Variants in SH3BP5 observed in about 807,000 individuals in gnomAD.
SH3BP5 encodes the protein SH3 domain binding protein 5, also known as SH3 domain-binding protein 5.
SH3BP5 carries 22 observed loss-of-function variants against 43.3 expected under a neutral mutation model. The ratio of observed to expected loss-of-function variants is 0.51; its 90% confidence interval spans 0.36 to 0.73. The LOEUF (loss-of-function observed/expected upper bound fraction) is 0.73, where lower values mean the gene tolerates loss of function less well. Ranked by LOEUF, SH3BP5 falls within the 30% of genes least tolerant of loss-of-function variation. SH3BP5 has a pLI of 0.00. For missense variants in SH3BP5, 529 were observed against 586.9 expected, an observed-to-expected ratio of 0.90 and a Z score of 1.02; for synonymous variants, 255 against 225.8, an observed-to-expected ratio of 1.13 and a Z score of -1.16.
intron 5 of SH3BP5, among the ~76,000 whole-genome samples, chr3:15,261,103 C>T (rs1210414124): frequency 5.3e-5 from 8 of 152,184 alleles, no homozygotes; most frequent in African/African-American, 4.8e-5. Context: ...CAACAACCCT[C>T]GCCACCTCCT....
intron 2 of SH3BP5, among the ~76,000 whole-genome samples, chr3:15,308,565 G>T (rs1217552923): frequency 6.6e-6 from 1 of 152,074 alleles, no homozygotes; most frequent in East Asian, 1.9e-4. Context: ...GGGGACATTC[G>T]ACCCTCCAGC....
chr3:15,332,389 C>T lies in SH3BP5; in HGVS notation c.20G>A (p.Arg7Gln), dbSNP rs1214888929. 1 of 1,537,258 alleles carries T rather than the reference C, an allele frequency of 6.5e-7. No homozygotes were observed. The highest frequency in any genetic ancestry group is 1.4e-5 in the African/African-American group (1 of 73,136). ...TTCGGCTGGCTCCTCCGAGCGGCTC[C>T]GCTTCAGTGCCGCGTCCATGCAGGC... Reference protein sequence around the residue: MDAALKRSRSEEPAEIL... With the variant: MDAALKQSRSEEPAEIL... The change falls in exon 1 of 9, where the codon CGG (arginine) becomes CAG (glutamine). Residue 7 changes from arginine to glutamine, a missense_variant. Arg to Gln is a conservative substitution (Grantham distance 43). Around this residue, in one of 3 missense-constraint regions of SH3BP5, gnomAD observed 75 missense variants for 61.8 expected, o/e 1.21. Coordinates refer to ENST00000383791, the MANE Select transcript of SH3BP5 (RefSeq NM_004844.5).
At chr3:15,291,652 G>A (rs1186185795) in intron 3 of SH3BP5, among the ~76,000 whole-genome samples, 1 of 152,204 alleles carries the variant, frequency 6.6e-6, no homozygotes, top group Non-Finnish European at 1.5e-5. Flanking sequence ...TTCCCACTTA[G>A]TGTAAAGGGT....
At chr3:15,316,821 C>T (rs1424519131) in intron 2 of SH3BP5, among the ~76,000 whole-genome samples, 1 of 152,058 alleles carries the variant, frequency 6.6e-6, no homozygotes, top group Non-Finnish European at 1.5e-5. Context: ...AGGGGTCAGT[C>T]CTACAAGGCC....
chr3:15,331,095 C>G lies in SH3BP5; in HGVS notation c.139-529G>C, dbSNP rs147659724. Reference sequence around the variant, plus strand: ...CTGGACGTTTTAAACTAGCTTTAATCCCATTCCTTTCAATAAACATTTACA... The same window carrying G: ...CTGGACGTTTTAAACTAGCTTTAATGCCATTCCTTTCAATAAACATTTACA... On this transcript the variant is annotated intron_variant, in intron 1 of 8. Transcript: ENST00000383791. Among the ~76,000 whole-genome samples the G allele has an allele frequency of 3.5e-4, 53 of 152,314 alleles. 1 individual carries two copies. Among genetic ancestry groups the G allele is most frequent in the African/African-American group, 1.3e-3 (53 of 41,560 alleles).
chr3:15,255,080 T>C lies in SH3BP5; in HGVS notation c.*1006A>G, dbSNP rs1448567837. 1.3e-5 allele frequency: 2 copies of C among 152,622 alleles called. No homozygotes were observed. The highest frequency in any genetic ancestry group is 6.5e-5 in the Admixed American group (1 of 15,290). 9.5% of individuals were successfully genotyped at this position (152,622 alleles called of 1,614,324 possible). A position where few individuals can be genotyped will look rare whatever the true frequency, so the allele number is the denominator to read the frequency against. On this transcript the variant is annotated 3_prime_UTR_variant, in exon 9 of 9. Transcript: ENST00000383791. Reference sequence around the variant, plus strand: ...AGACAAAAATACAGTGCTCTAAATATGCATTACCATGAAAACGTTAAAGAA... The same window carrying C: ...AGACAAAAATACAGTGCTCTAAATACGCATTACCATGAAAACGTTAAAGAA...
chr3:15,300,523 A>G (rs1275842962), intron 3 of SH3BP5, among the ~76,000 whole-genome samples: 1 of 152,156 alleles, frequency 6.6e-6, no homozygotes, highest in African/African-American at 2.4e-5. Flanking sequence ...GACAAGAGGA[A>G]GAAAACAGGA....
At chr3:15,275,234 A>G (rs2125072379) in intron 3 of SH3BP5, among the ~76,000 whole-genome samples, 1 of 152,352 alleles carries the variant, frequency 6.6e-6, no homozygotes, top group East Asian at 1.9e-4. Context: ...CCAAGACAGG[A>G]AGCACCAAAG....
intron 2 of SH3BP5, among the ~76,000 whole-genome samples, chr3:15,319,976 G>T (rs1698279926): frequency 6.6e-6 from 1 of 152,172 alleles, no homozygotes; most frequent in African/African-American, 2.4e-5. Flanking sequence ...TAATTTGTTA[G>T]GGAGAAACAG....
At chr3:15,260,175 T>C (rs1055597271) in intron 5 of SH3BP5, 1 of 251,270 alleles carries the variant, frequency 4.0e-6, no homozygotes, top group Non-Finnish European at 7.8e-6. Context: ...CCTAATGAAG[T>C]TGGCTCCCCA....
intron 2 of SH3BP5, among the ~76,000 whole-genome samples, chr3:15,324,906 G>A (rs889890680): frequency 2.0e-5 from 3 of 151,466 alleles, no homozygotes; most frequent in Non-Finnish European, 4.4e-5. Flanking sequence ...GGTTTTCAGA[G>A]GGAGGAAAGG....
chr3:15,272,257 A>C (rs1696823197), intron 3 of SH3BP5, among the ~76,000 whole-genome samples: 2 of 152,154 alleles, frequency 1.3e-5, no homozygotes, highest in African/African-American at 2.4e-5. Context: ...CCAGACCCAG[A>C]CCCAGCCCTC....
chr3:15,291,938 A>G (rs1279003605), intron 3 of SH3BP5, among the ~76,000 whole-genome samples: 2 of 152,218 alleles, frequency 1.3e-5, no homozygotes, highest in African/African-American at 4.8e-5. Context: ...GAAGGAAAGC[A>G]GGGGCATCCT....
chr3:15,293,015 A>C (rs1172409098), intron 3 of SH3BP5, among the ~76,000 whole-genome samples: 2 of 152,220 alleles, frequency 1.3e-5, no homozygotes, highest in East Asian at 3.8e-4. Context: ...AAGCTGCAAC[A>C]CATCTCCTTC....
At position 15,258,984 on chromosome 3, in the gene SH3BP5, C is replaced by T; in HGVS notation, c.736G>A (p.Ala246Thr). Residue 246 changes from alanine to threonine, a missense_variant, in exon 7 of 9, where the codon GCC (alanine) becomes ACC (threonine). By Grantham distance (58) the Ala-to-Thr change is moderately conservative. Around this residue, in one of 3 missense-constraint regions of SH3BP5, gnomAD observed 369 missense variants for 384.3 expected, o/e 0.96. Transcript: ENST00000383791. Reference protein sequence around the residue: ...LTLAKGEYKMALKNLEMISDE... With the variant: ...LTLAKGEYKMTLKNLEMISDE... Reference sequence around the variant, plus strand: ...GAGATCATCTCCAGGTTCTTCAGGGCCATCTTGTACTCGCCTTTTGCCAGG... The same window carrying T: ...GAGATCATCTCCAGGTTCTTCAGGGTCATCTTGTACTCGCCTTTTGCCAGG... 6.2e-7 allele frequency: 1 copy of T among 1,614,212 alleles called. No homozygotes were observed. Among genetic ancestry groups the T allele is most frequent in the South Asian group, 1.1e-5 (1 of 91,078 alleles).
chr3:15,283,830 G>C (rs1466725776), intron 3 of SH3BP5, among the ~76,000 whole-genome samples: 1 of 152,196 alleles, frequency 6.6e-6, no homozygotes, highest in East Asian at 1.9e-4. Flanking sequence ...CCCTGATGGA[G>C]GGAGGATAAA....
intron 3 of SH3BP5, among the ~76,000 whole-genome samples, chr3:15,281,412 C>T (rs963067833): frequency 5.9e-5 from 9 of 152,092 alleles, no homozygotes; most frequent in African/African-American, 1.9e-4. Context: ...CAACAATAAC[C>T]ATTATCTTGG....
intron 2 of SH3BP5, among the ~76,000 whole-genome samples, chr3:15,304,768 T>C (rs1362779627): frequency 7.1e-6 from 1 of 140,714 alleles, no homozygotes; most frequent in Non-Finnish European, 1.5e-5. Flanking sequence ...TGAGCCAAGA[T>C]CATGCCACTG....
intron 4 of SH3BP5, among the ~76,000 whole-genome samples, chr3:15,268,950 T>C (rs530495583): frequency 2.6e-5 from 4 of 152,252 alleles, no homozygotes; most frequent in Admixed American, 6.5e-5. Context: ...AATCTACCAA[T>C]GTCCTACCTA....
Sources: allele counts gnomAD v4.1 joint callset (sites outside exome capture counted in the v4.1 genomes callset), GRCh38; gene constraint gnomAD v4.1.1; regional missense constraint gnomAD v4.1.1; transcripts MANE v1.5; gene names NCBI Gene and HGNC (gene_info 2026-07-23, HGNC 2026-07-21).